MYL4: variants seen among roughly 807,000 people sequenced by gnomAD.
MYL4 encodes myosin light chain 4, also known as atrial myosin light chain 1.
Under a neutral mutation model 21.6 loss-of-function variants are expected in MYL4, and 16 were observed. The ratio of observed to expected loss-of-function variants is 0.74; its 90% confidence interval spans 0.50 to 1.12. The LOEUF (loss-of-function observed/expected upper bound fraction) is 1.12. Ranked by LOEUF, MYL4 falls within the 50% of genes most tolerant of loss-of-function variation. MYL4 has a pLI of 0.00. For synonymous variants in MYL4, 82 were observed against 95.7 expected (o/e 0.86, Z 0.83); for missense variants, 249 against 252.9 (o/e 0.98, Z 0.11).
chr17:47,192,741 T>C, the MYL4 span, among the ~76,000 whole-genome samples: 1 of 152,166 alleles, frequency 6.6e-6, no homozygotes, highest in East Asian at 1.9e-4. Flanking sequence ...GCCACATTGT[T>C]TGAAGTACTT....
At chr17:47,195,530 A>G (rs1239605474), upstream of MYL4, among the ~76,000 whole-genome samples, 1 of 151,672 alleles carries the variant, frequency 6.6e-6, no homozygotes, top group Admixed American at 6.6e-5. Flanking sequence ...TGCCCAGCCA[A>G]GTATTTTTAG....
upstream of MYL4, among the ~76,000 whole-genome samples, chr17:47,206,014 GA>G (rs1395148327): frequency 6.6e-6 from 1 of 152,178 alleles, no homozygotes; most frequent in Non-Finnish European, 1.5e-5. Flanking sequence ...AAAGTGAAAT[GA>G]ACATCTTCGA....
upstream of MYL4, among the ~76,000 whole-genome samples, chr17:47,207,254 T>C (rs1213776982): frequency 1.3e-5 from 2 of 152,142 alleles, no homozygotes; most frequent in Non-Finnish European, 2.9e-5. Context: ...TCACCACCAG[T>C]GAGCGTGTAT....
At chr17:47,189,488 AG>A in the MYL4 span, 1 of 455,392 alleles carries the variant, frequency 2.2e-6, no homozygotes, top group Admixed American at 3.4e-5. Flanking sequence ...TTCTCTTCTC[AG>A]CCACGCCTTC....
intron 2 of MYL4, among the ~76,000 whole-genome samples, chr17:47,216,822 G>A (rs1384932184): frequency 2.0e-5 from 3 of 151,856 alleles, no homozygotes; most frequent in Non-Finnish European, 2.9e-5. Context: ...AGCCTCCTGA[G>A]TAGCTGGGAT....
At chr17:47,202,900 A>G (rs558555223) in intron 1 of MYL4, among the ~76,000 whole-genome samples, 1 of 152,312 alleles carries the variant, frequency 6.6e-6, no homozygotes, top group East Asian at 1.9e-4. Flanking sequence ...TCCTTCACCT[A>G]TCTAGATAAG....
chr17:47,216,196 C>T (rs2064812708), intron 2 of MYL4, among the ~76,000 whole-genome samples: 1 of 151,936 alleles, frequency 6.6e-6, no homozygotes, highest in African/African-American at 2.4e-5. Flanking sequence ...GGGGTTACTA[C>T]CACTGGACTC....
At chr17:47,215,833 T>C (rs1356814280) in intron 2 of MYL4, among the ~76,000 whole-genome samples, 1 of 152,180 alleles carries the variant, frequency 6.6e-6, no homozygotes, top group Non-Finnish European at 1.5e-5. Context: ...CTCTCTCACC[T>C]AGGCTGGAGT....
chr17:47,225,791 C>G (rs1181179474), downstream of MYL4, among the ~76,000 whole-genome samples: 3 of 152,038 alleles, frequency 2.0e-5, no homozygotes, highest in African/African-American at 7.3e-5. Flanking sequence ...AAATCACACC[C>G]CCAGTTTGAA....
chr17:47,209,575 A>T lies in MYL4; in HGVS notation c.135+18A>T, dbSNP rs1189909384. On this transcript the variant is annotated intron_variant, in intron 1 of 6. Transcript: ENST00000393450. ...GTGTAAAGGTAAGTGAGGCTCAGCC[A>T]TTGGGATAGAGGTGGGGATGACATT... 2 of 1,614,058 alleles carry T rather than the reference A, an allele frequency of 1.2e-6. No individual in the cohort carries two copies. Among genetic ancestry groups the T allele is most frequent in the African/African-American group, 2.7e-5 (2 of 74,904 alleles).
upstream of MYL4, among the ~76,000 whole-genome samples, chr17:47,197,065 C>T (rs544759164): frequency 6.8e-6 from 1 of 146,450 alleles, no homozygotes; most frequent in South Asian, 2.2e-4. Context: ...AGAGAACATG[C>T]TGGTCTTGCA....
chr17:47,193,811 A>AGTGGT, the MYL4 span, among the ~76,000 whole-genome samples: 1 of 150,648 alleles, frequency 6.6e-6, no homozygotes, highest in Non-Finnish European at 1.5e-5. Context: ...GCTGGAGTGC[A>AGTGGT]GTGGTGTGAT....
upstream of MYL4, among the ~76,000 whole-genome samples, chr17:47,205,522 A>G (rs1247706015): frequency 3.3e-5 from 5 of 152,208 alleles, no homozygotes; most frequent in African/African-American, 1.2e-4. Context: ...GGCGTCATGA[A>G]TTTTAGTAAA....
In MYL4 at chr17:47,211,431, G is replaced by A. The variant is rs1567745806; in HGVS notation, c.135+1874G>A. On this transcript the variant is annotated intron_variant, in intron 1 of 6. Coordinates refer to ENST00000393450, the MANE Select transcript of MYL4 (RefSeq NM_002476.2). The stretch of plus-strand genomic sequence containing the variant: ...AAAAAGATTCGAAGATAGAACAGAA[G>A]CAAACTTAAGCCCAGTGTGTGTAGT... Among the ~76,000 whole-genome samples, 5 of 152,264 alleles carry A rather than the reference G, an allele frequency of 3.3e-5. No individual in the cohort carries two copies. The South Asian group carries it at 1.0e-3, about 32-fold the overall frequency.
chr17:47,205,116 C>T (rs1236222354), upstream of MYL4, among the ~76,000 whole-genome samples: 1 of 152,140 alleles, frequency 6.6e-6, no homozygotes, highest in African/African-American at 2.4e-5. Context: ...TGTCACTTCT[C>T]CTTTGTGCAT....
rs749072621 is a variant in MYL4, at chr17:47,209,417, G to A, written c.-6G>A. Reference sequence around the variant, plus strand: ...ACTCCTCTGCCAAAGATCCCAACAAGACAACATGGCTCCCAAGAAGCCTGA... The same window carrying A: ...ACTCCTCTGCCAAAGATCCCAACAAAACAACATGGCTCCCAAGAAGCCTGA... On this transcript the variant is annotated 5_prime_UTR_variant, in exon 1 of 7. Transcript: ENST00000393450. 1 of 1,614,124 alleles carries A rather than the reference G, an allele frequency of 6.2e-7. No individual in the cohort carries two copies. The highest frequency in any genetic ancestry group is 2.2e-5 in the East Asian group (1 of 44,882).
chr17:47,223,168 C>T, intron 6 of MYL4, 111 bp downstream of exon 6: 1 of 1,132,740 alleles, frequency 8.8e-7, no homozygotes, highest in Non-Finnish European at 1.3e-6. Context: ...TAAGAGGAAA[C>T]CTCTTGGGAT....
the MYL4 span, among the ~76,000 whole-genome samples, chr17:47,194,207 C>T: frequency 2.0e-5 from 3 of 152,210 alleles, no homozygotes; most frequent in Non-Finnish European, 2.9e-5. Context: ...CGGAATGGAA[C>T]CCCTCATTGT....
chr17:47,190,035 G>C, the MYL4 span, among the ~76,000 whole-genome samples: 1 of 152,168 alleles, frequency 6.6e-6, no homozygotes, highest in Non-Finnish European at 1.5e-5. Context: ...AAGAAGTATA[G>C]GAAAGTGAAG....
Sources: gnomAD v4.1 joint callset for allele counts (sites outside exome capture counted in the v4.1 genomes callset) on GRCh38, gnomAD v4.1.1 for gene constraint, MANE v1.5 for transcripts, NCBI Gene and HGNC (gene_info 2026-07-23, HGNC 2026-07-21) for gene names.